HECW2: variants seen among roughly 807,000 people sequenced by gnomAD.
The protein encoded by HECW2 is HECT, C2 and WW domain containing E3 ubiquitin protein ligase 2.
Under a neutral mutation model 175.2 loss-of-function variants are expected in HECW2, and 61 were observed. That is an observed-to-expected ratio of 0.35 (90% CI 0.28 to 0.43). The LOEUF (loss-of-function observed/expected upper bound fraction) is 0.43, where lower values mean the gene tolerates loss of function less well. Among genes scored for constraint, HECW2 ranks in the 20% least tolerant of loss-of-function variants. The pLI is 1.00. For synonymous variants in HECW2, 671 were observed against 731.0 expected (o/e 0.92, Z 1.32); for missense variants, 1,524 against 2,000.5 (o/e 0.76, Z 4.54).
intron 1 of HECW2, among the ~76,000 whole-genome samples, chr2:196,465,977 C>T (rs1049591789): frequency 6.6e-6 from 1 of 152,152 alleles, no homozygotes; most frequent in African/African-American, 2.4e-5. Context: ...TATGTAGCTA[C>T]AAAGTTATGT....
At chr2:196,453,526 A>G (rs904107874) in intron 1 of HECW2, among the ~76,000 whole-genome samples, 7 of 152,194 alleles carry the variant, frequency 4.6e-5, no homozygotes, top group African/African-American at 1.7e-4. Context: ...GGATCCATAC[A>G]GAGCATCTCA....
chr2:196,522,836 A>G (rs1688459714), intron 1 of HECW2, among the ~76,000 whole-genome samples: 1 of 152,068 alleles, frequency 6.6e-6, no homozygotes, highest in African/African-American at 2.4e-5. Flanking sequence ...CCATTGATCT[A>G]TATCTCAGTT....
At chr2:196,469,308 G>A (rs900144830) in intron 1 of HECW2, among the ~76,000 whole-genome samples, 10 of 152,110 alleles carry the variant, frequency 6.6e-5, no homozygotes, top group Non-Finnish European at 1.0e-4. Flanking sequence ...GTTTCTGTAA[G>A]AAGTTAGACT....
At chr2:196,430,788 G>A (rs1204843830) in intron 2 of HECW2, among the ~76,000 whole-genome samples, 2 of 151,938 alleles carry the variant, frequency 1.3e-5, no homozygotes, top group Admixed American at 1.3e-4. Context: ...AGAGCCTCGG[G>A]GCCTTGCAGA....
chr2:196,306,138 T>C (rs1691251034), intron 13 of HECW2, among the ~76,000 whole-genome samples: 1 of 152,166 alleles, frequency 6.6e-6, no homozygotes, highest in Non-Finnish European at 1.5e-5. Context: ...TTAGACCATA[T>C]GAAGATGGAG....
intron 1 of HECW2, among the ~76,000 whole-genome samples, chr2:196,463,426 A>G (rs910309649): frequency 1.3e-5 from 2 of 151,738 alleles, no homozygotes; most frequent in Admixed American, 1.3e-4. Context: ...AAAAAGAAAG[A>G]AAGAAAAAGG....
chr2:196,333,760 T>TG (rs1203495262), intron 4 of HECW2, among the ~76,000 whole-genome samples: 1 of 152,206 alleles, frequency 6.6e-6, no homozygotes, highest in Non-Finnish European at 1.5e-5. Flanking sequence ...ATGTTGGAAA[T>TG]GGGCAGGCTT....
At chr2:196,373,996 C>T (rs554949312) in intron 2 of HECW2, among the ~76,000 whole-genome samples, 1 of 151,306 alleles carries the variant, frequency 6.6e-6, no homozygotes, top group African/African-American at 2.4e-5. Flanking sequence ...CCCGCCACTG[C>T]ACTCCAGCCT....
chr2:196,226,656 T>A (rs1687862137), intron 22 of HECW2, among the ~76,000 whole-genome samples: 1 of 150,714 alleles, frequency 6.6e-6, no homozygotes, highest in Admixed American at 6.6e-5. Flanking sequence ...AAAATGCTAT[T>A]CCCTCCTAGT....
chr2:196,234,778 C>T (rs559043688), intron 21 of HECW2, among the ~76,000 whole-genome samples: 1 of 152,164 alleles, frequency 6.6e-6, no homozygotes, highest in Non-Finnish European at 1.5e-5. Flanking sequence ...TAGACTGATG[C>T]CCAGCAGAAA....
At position 196,483,032 on chromosome 2, in the gene HECW2, A is replaced by C. The variant is rs546358182; in HGVS notation, c.-35-49574T>G. 4.0e-4 allele frequency among the ~76,000 whole-genome samples: 58 copies of C among 144,608 alleles called. 1 individual carries two copies. Among genetic ancestry groups the C allele is most frequent in the South Asian group, 1.7e-3 (8 of 4,586 alleles). 94.9% of individuals were successfully genotyped at this position (144,608 alleles called of 152,430 possible). ...AAGGTGTCCCTTTAATGAACAAATT[A>C]TTTTCAGACTAGTATTTTAAAAGCT... On this transcript the variant is annotated intron_variant, in intron 1 of 28. Transcript: ENST00000644978.
At chr2:196,227,966 G>T (rs1410655060) in intron 22 of HECW2, 136 bp downstream of exon 22, 2 of 709,918 alleles carry the variant, frequency 2.8e-6, no homozygotes, top group African/African-American at 3.7e-5. Flanking sequence ...AAAAACAAGA[G>T]TCAAATGAGG....
chr2:196,238,598 G>A (rs1013609414), intron 21 of HECW2: 5 of 152,170 alleles, frequency 3.3e-5, no homozygotes, highest in African/African-American at 1.2e-4. Context: ...ACAAAGTCAT[G>A]AGTCCAGAAA....
intron 10 of HECW2, chr2:196,315,887 C>T (rs1691677458): frequency 6.6e-6 from 1 of 152,142 alleles, no homozygotes; most frequent in Non-Finnish European, 1.5e-5. Flanking sequence ...ATGCTCCTGT[C>T]CAACCCTCTG....
rs1276271733 is a variant in HECW2, at chr2:196,334,522, CA to C, written c.401-5del. The stretch of plus-strand genomic sequence containing the variant: ...TTAAAACAGATTTTTATCTCCGCTG[CA>C]AAGCAATTGGAGAAAACAGTAATTT... On this transcript the variant is annotated splice_polypyrimidine_tract_variant and splice_region_variant and intron_variant, in intron 3 of 28. Coordinates refer to ENST00000644978, the MANE Select transcript of HECW2 (RefSeq NM_001348768.2). The C allele has an allele frequency of 6.3e-7, 1 of 1,585,084 alleles. No individual in the cohort carries two copies. The highest frequency in any genetic ancestry group is 8.6e-7 in the Non-Finnish European group (1 of 1,163,810).
chr2:196,463,016 G>C (rs1444584969), intron 1 of HECW2, among the ~76,000 whole-genome samples: 1 of 152,108 alleles, frequency 6.6e-6, no homozygotes, highest in African/African-American at 2.4e-5. Flanking sequence ...AGTATGCCAG[G>C]GCTTCTGAGT....
chr2:196,283,121 G>T (rs1420315569), intron 14 of HECW2, among the ~76,000 whole-genome samples: 7 of 151,548 alleles, frequency 4.6e-5, no homozygotes, highest in Non-Finnish European at 1.0e-4. Flanking sequence ...AGTTAGCTGG[G>T]CGTGGTGGCA....
intron 28 of HECW2, among the ~76,000 whole-genome samples, chr2:196,213,412 A>T (rs867216556): frequency 2.0e-5 from 3 of 152,202 alleles, no homozygotes; most frequent in Admixed American, 6.5e-5. Flanking sequence ...GGTTTTGCTT[A>T]GGATGATGTA....
chr2:196,573,867 CAACA>C, intron 1 of HECW2, among the ~76,000 whole-genome samples: 1 of 147,674 alleles, frequency 6.8e-6, no homozygotes, highest in African/African-American at 2.6e-5. Context: ...TCAACAACAA[CAACA>C]AAAAAAAAAC....
Sources: gnomAD v4.1 joint callset for allele counts (sites outside exome capture counted in the v4.1 genomes callset) on GRCh38, gnomAD v4.1.1 for gene constraint, MANE v1.5 for transcripts, NCBI Gene and HGNC (gene_info 2026-07-23, HGNC 2026-07-21) for gene names.